Variants in GMDS observed in about 807,000 individuals in gnomAD.
GMDS encodes the protein GDP-mannose 4,6-dehydratase, also known as GDP-mannose 4,6 dehydratase.
GMDS carries 20 observed loss-of-function variants against 49.9 expected under a neutral mutation model. The ratio of observed to expected loss-of-function variants is 0.40; its 90% confidence interval spans 0.28 to 0.58. The LOEUF (loss-of-function observed/expected upper bound fraction) is 0.58. GMDS is among the 20% of genes least tolerant of loss of function. The pLI is 0.42. For missense variants in GMDS, 362 were observed against 481.4 expected (o/e 0.75, Z 2.32); for synonymous variants, 177 against 178.6 (o/e 0.99, Z 0.07).
At chr6:1,821,620 T>G (rs933090975) in intron 7 of GMDS, among the ~76,000 whole-genome samples, 1 of 40,398 alleles carries the variant, frequency 2.5e-5, no homozygotes, top group Admixed American at 3.4e-4. Context: ...TGTTTTTTTT[T>G]TTTTTTTTTT....
At chr6:1,826,493 G>A (rs1226160311) in intron 7 of GMDS, among the ~76,000 whole-genome samples, 1 of 152,192 alleles carries the variant, frequency 6.6e-6, no homozygotes, top group Non-Finnish European at 1.5e-5. Flanking sequence ...AAAGTTTGTT[G>A]TAGGTGTGCA....
intron 4 of GMDS, among the ~76,000 whole-genome samples, chr6:2,079,350 T>C (rs768948514): frequency 2.6e-5 from 4 of 152,066 alleles, no homozygotes; most frequent in Non-Finnish European, 5.9e-5. Flanking sequence ...TCTTCATTCC[T>C]TTCTTTTTCA....
chr6:2,175,101 T>C (rs1191117785), intron 1 of GMDS, among the ~76,000 whole-genome samples: 1 of 152,132 alleles, frequency 6.6e-6, no homozygotes, highest in East Asian at 1.9e-4. Context: ...AAAGTAATAA[T>C]TTTAAAGATC....
chr6:2,204,368 C>T (rs528687863), intron 1 of GMDS, among the ~76,000 whole-genome samples: 1 of 152,308 alleles, frequency 6.6e-6, no homozygotes, highest in Admixed American at 6.5e-5. Flanking sequence ...TTACTATCTT[C>T]CTGCATACAT....
At chr6:2,034,325 C>T (rs1361921672) in intron 4 of GMDS, among the ~76,000 whole-genome samples, 1 of 152,088 alleles carries the variant, frequency 6.6e-6, no homozygotes, top group Non-Finnish European at 1.5e-5. Flanking sequence ...TGTATTATTC[C>T]ATTTACATGA....
intron 7 of GMDS, among the ~76,000 whole-genome samples, chr6:1,807,739 C>G (rs1298067493): frequency 1.3e-5 from 2 of 152,192 alleles, no homozygotes; most frequent in Non-Finnish European, 2.9e-5. Context: ...ACATCACACA[C>G]AAAATTAGTT....
At position 2,044,324 on chromosome 6, in the gene GMDS, T is replaced by C. The variant is rs148423651; in HGVS notation, c.345+71447A>G. On this transcript the variant is annotated intron_variant, in intron 4 of 10. Transcript: ENST00000380815. The stretch of plus-strand genomic sequence containing the variant: ...TGAAATCAACCTAAATGTCCATCAA[T>C]AGTAGACTGGGTTTTTAAAAATGTG... 1.4e-4 allele frequency among the ~76,000 whole-genome samples: 21 copies of C among 152,262 alleles called. 1 individual carries two copies. The highest frequency in any genetic ancestry group is 4.6e-4 in the African/African-American group (19 of 41,550).
intron 8 of GMDS, among the ~76,000 whole-genome samples, chr6:1,738,147 A>G (rs563651788): frequency 0.03 from 635 of 21,160 alleles, 4 homozygotes; most frequent in African/African-American, 0.057. Context: ...ACACACACAG[A>G]TACACATACA....
At chr6:1,821,265 G>T (rs1770875702) in intron 7 of GMDS, among the ~76,000 whole-genome samples, 1 of 152,098 alleles carries the variant, frequency 6.6e-6, no homozygotes, top group African/African-American at 2.4e-5. Flanking sequence ...TCTCCCGGAG[G>T]TTCTGAGAAG....
intron 4 of GMDS, among the ~76,000 whole-genome samples, chr6:2,090,065 C>T (rs1773230707): frequency 6.6e-6 from 1 of 152,204 alleles, no homozygotes; most frequent in South Asian, 2.1e-4. Context: ...TAGCTTACCT[C>T]CTCTACTTTC....
chr6:1,842,639 A>G (rs1371773892), intron 7 of GMDS, among the ~76,000 whole-genome samples: 1 of 152,232 alleles, frequency 6.6e-6, no homozygotes, highest in African/African-American at 2.4e-5. Context: ...GCCTACCTCC[A>G]AATGTCGGAT....
chr6:1,918,332 G>A (rs1469571415), intron 7 of GMDS, among the ~76,000 whole-genome samples: 1 of 152,176 alleles, frequency 6.6e-6, no homozygotes, highest in East Asian at 1.9e-4. Flanking sequence ...GTACTCCCAT[G>A]GGTACTTGGT....
chr6:1,853,180 C>T (rs1757769909), intron 7 of GMDS, among the ~76,000 whole-genome samples: 1 of 151,972 alleles, frequency 6.6e-6, no homozygotes, highest in Non-Finnish European at 1.5e-5. Flanking sequence ...ATACTGCCAA[C>T]ACAAGACACA....
rs375265262 is a variant in GMDS, at chr6:1,633,846, G to A, written c.988-9306C>T. Reference sequence around the variant, plus strand: ...CCCAGGCCTTTCCCAGCAAAGCCACGTGGTCACAAGGCTCTGCTGTCTGGT... The same window carrying A: ...CCCAGGCCTTTCCCAGCAAAGCCACATGGTCACAAGGCTCTGCTGTCTGGT... On this transcript the variant is annotated intron_variant, in intron 9 of 10. Transcript: ENST00000380815. Among the ~76,000 whole-genome samples, 40 of 152,270 alleles carry A rather than the reference G, an allele frequency of 2.6e-4. 1 individual carries two copies. The highest frequency in any genetic ancestry group is 6.2e-4 in the South Asian group (3 of 4,828).
In GMDS at chr6:1,927,622, C is replaced by T. The variant is rs564635452; in HGVS notation, c.771+2481G>A. Among the ~76,000 whole-genome samples, 22 of 152,340 alleles carry T rather than the reference C, an allele frequency of 1.4e-4. No individual in the cohort carries two copies. The East Asian group carries it at 2.7e-3, about 19-fold the overall frequency. On this transcript the variant is annotated intron_variant, in intron 7 of 10. Coordinates refer to ENST00000380815, the MANE Select transcript of GMDS (RefSeq NM_001500.4). ...GTTGTGCCCAGATGTGGACTACACTCGCAGCAGCGCTAGCTTGGCATTTGG... is the reference window on the plus strand; with the variant it reads ...GTTGTGCCCAGATGTGGACTACACTTGCAGCAGCGCTAGCTTGGCATTTGG...
chr6:1,830,854 T>A (rs1756603465), intron 7 of GMDS, among the ~76,000 whole-genome samples: 1 of 152,232 alleles, frequency 6.6e-6, no homozygotes. Context: ...TCTTAGAACC[T>A]CTTCGAGAAT....
chr6:2,124,837 G>A lies in GMDS; in HGVS notation c.103-106C>T, dbSNP rs997531457. The A allele has an allele frequency of 2.0e-5, 15 of 764,412 alleles. No homozygotes were observed. In the African/African-American group the frequency reaches 2.6e-4, roughly 13 times the overall value. 47.4% of individuals were successfully genotyped at this position (764,412 alleles called of 1,614,324 possible). ...GCATTTAAAAGGCTACCTAACTTAA[G>A]GACAATGGCAACCTAAAATAAAAAT... is the stretch of plus-strand genomic sequence containing the variant. On this transcript the variant is annotated intron_variant, in intron 1 of 10. Transcript: ENST00000380815.
chr6:1,834,441 G>A (rs890113907), intron 7 of GMDS, among the ~76,000 whole-genome samples: 5 of 152,084 alleles, frequency 3.3e-5, no homozygotes, highest in African/African-American at 4.8e-5. Flanking sequence ...CTCCAGTTGG[G>A]ATCCATCTTT....
chr6:2,162,814 T>C (rs1777472107), intron 1 of GMDS, among the ~76,000 whole-genome samples: 3 of 152,024 alleles, frequency 2.0e-5, no homozygotes, highest in Admixed American at 2.0e-4. Flanking sequence ...GCAGCAGTGA[T>C]GCATACTTCC....
Sources: gnomAD v4.1 joint callset for allele counts (sites outside exome capture counted in the v4.1 genomes callset) on GRCh38, gnomAD v4.1.1 for gene constraint, MANE v1.5 for transcripts, NCBI Gene and HGNC (gene_info 2026-07-23, HGNC 2026-07-21) for gene names.